Variants in DCAF6 observed in about 807,000 individuals in gnomAD.
DCAF6 encodes the protein DDB1- and CUL4-associated factor 6.
DCAF6 carries 54 observed loss-of-function variants against 125.1 expected under a neutral mutation model. The ratio of observed to expected loss-of-function variants is 0.43; its 90% CI spans 0.35 to 0.54. The LOEUF (loss-of-function observed/expected upper bound fraction) is 0.54. Ranked by LOEUF, DCAF6 falls within the 20% of genes least tolerant of loss-of-function variation. The pLI, the probability that DCAF6 is intolerant of heterozygous loss-of-function variation, is 0.01. For missense variants in DCAF6, 934 were observed against 1,161.7 expected, an observed-to-expected ratio of 0.80 and a Z score of 2.85; for synonymous variants, 371 against 390.4, an observed-to-expected ratio of 0.95 and a Z score of 0.58.
intron 16 of DCAF6, among the ~76,000 whole-genome samples, chr1:168,046,575 A>G (rs576020397): frequency 2.6e-5 from 4 of 152,158 alleles, no homozygotes; most frequent in African/African-American, 9.7e-5. Flanking sequence ...TTAATCAAAC[A>G]TCTTCTCTTT....
At position 168,015,977 on chromosome 1, in the gene DCAF6, C is replaced by A. The variant is rs1250669567; in HGVS notation, c.1549+26C>A. The A allele has an allele frequency of 6.3e-6, 9 of 1,424,780 alleles. No homozygotes were observed. The East Asian group carries it at 2.2e-4, about 35-fold the overall frequency. 88.3% of individuals were successfully genotyped at this position (1,424,780 alleles called of 1,614,324 possible). ...GTTATTAATGTCAAGTGTCCTTAAG[C>A]AGCTGATAGAATTGTTTTTTAATAC... On this transcript the variant is annotated intron_variant, in intron 11 of 21. Coordinates refer to ENST00000367840, the MANE Select transcript of DCAF6 (RefSeq NM_001198956.2).
chr1:168,030,861 A>G (rs1400007908), intron 12 of DCAF6, among the ~76,000 whole-genome samples: 1 of 152,226 alleles, frequency 6.6e-6, no homozygotes, highest in Admixed American at 6.5e-5. Context: ...TTAACAGGTG[A>G]CTTTTTCAGC....
At chr1:167,881,286 C>A in the DCAF6 span, among the ~76,000 whole-genome samples, 1 of 152,194 alleles carries the variant, frequency 6.6e-6, no homozygotes, top group African/African-American at 2.4e-5. Context: ...AAAAAATGAC[C>A]TCAGTCAGGT....
At chr1:168,021,404 A>G (rs1432835096) in intron 11 of DCAF6, among the ~76,000 whole-genome samples, 1 of 152,076 alleles carries the variant, frequency 6.6e-6, no homozygotes, top group Non-Finnish European at 1.5e-5. Context: ...GTTTTTTTAA[A>G]GAGTTTAATT....
intron 2 of DCAF6, among the ~76,000 whole-genome samples, chr1:167,961,598 A>T (rs576203774): frequency 1.3e-5 from 2 of 152,150 alleles, no homozygotes; most frequent in South Asian, 4.2e-4. Flanking sequence ...ATCTACAAAG[A>T]CCGTTTTATT....
the DCAF6 span, among the ~76,000 whole-genome samples, chr1:167,889,024 G>A: frequency 6.6e-6 from 1 of 152,108 alleles, no homozygotes; most frequent in African/African-American, 2.4e-5. Context: ...AAGATCATCT[G>A]AAAACAAGGA....
the DCAF6 span, among the ~76,000 whole-genome samples, chr1:167,910,601 G>T: frequency 0.016 from 2,495 of 152,222 alleles, 64 homozygotes; most frequent in African/African-American, 0.055. Context: ...TAAAGTTCAT[G>T]GGAAGTATGC....
At chr1:167,983,912 C>T (rs917446828) in intron 4 of DCAF6, among the ~76,000 whole-genome samples, 2 of 152,098 alleles carry the variant, frequency 1.3e-5, no homozygotes, top group East Asian at 3.8e-4. Flanking sequence ...AACTTAAGGA[C>T]AGATTAAATT....
the DCAF6 span, among the ~76,000 whole-genome samples, chr1:167,899,063 A>G: frequency 6.6e-6 from 1 of 152,168 alleles, no homozygotes; most frequent in Non-Finnish European, 1.5e-5. Context: ...GGTGTTGGGT[A>G]AAGAAAGTGA....
chr1:167,972,559 G>C lies in DCAF6; in HGVS notation c.253-2271G>C, dbSNP rs568369855. ...GAACTAGATTGGAAGTAGGAGATAG[G>C]AGGCCATTGAAATAATCCAGGTAAG... On this transcript the variant is annotated intron_variant, in intron 3 of 21. Coordinates refer to ENST00000367840, the MANE Select transcript of DCAF6 (RefSeq NM_001198956.2). Among the ~76,000 whole-genome samples, 3 of 152,300 alleles carry C rather than the reference G, an allele frequency of 2.0e-5. No homozygotes were observed. The East Asian group carries it at 5.8e-4, about 29-fold the overall frequency.
intron 1 of DCAF6, among the ~76,000 whole-genome samples, chr1:167,942,585 T>C (rs1005536603): frequency 6.6e-6 from 1 of 152,226 alleles, no homozygotes. Context: ...TTCATACTTT[T>C]TATGTCCTAT....
chr1:167,893,883 T>C, the DCAF6 span: 12 of 1,613,482 alleles, frequency 7.4e-6, no homozygotes, highest in East Asian at 2.5e-4. Flanking sequence ...TCACATACTT[T>C]TGTAGGGACA....
chr1:167,984,897 G>T (rs1679721355), intron 4 of DCAF6, among the ~76,000 whole-genome samples: 1 of 152,136 alleles, frequency 6.6e-6, no homozygotes, highest in East Asian at 1.9e-4. Flanking sequence ...GTTTACAAAA[G>T]AAAGAGGTTT....
intron 1 of DCAF6, among the ~76,000 whole-genome samples, chr1:167,950,745 A>T (rs1022390676): frequency 6.6e-6 from 1 of 152,172 alleles, no homozygotes; most frequent in African/African-American, 2.4e-5. Flanking sequence ...GCCTTCTTTC[A>T]TTACAGCTTC....
the DCAF6 span, among the ~76,000 whole-genome samples, chr1:167,888,599 G>A: frequency 6.6e-6 from 1 of 152,010 alleles, no homozygotes; most frequent in Non-Finnish European, 1.5e-5. Context: ...TTTTTGGGCC[G>A]GGCGCGGTGG....
At chr1:167,966,573 G>A (rs1290384640) in intron 2 of DCAF6, 56 bp from the exon 3 acceptor site, 2 of 1,112,978 alleles carry the variant, frequency 1.8e-6, no homozygotes, top group African/African-American at 1.6e-5. Flanking sequence ...AGTGAAAGAT[G>A]GCATATTTTC....
the DCAF6 span, among the ~76,000 whole-genome samples, chr1:167,913,404 AAG>A: frequency 2.2e-4 from 34 of 152,168 alleles, no homozygotes; most frequent in Non-Finnish European, 4.3e-4. Flanking sequence ...CACGAGTCCA[AAG>A]AGGGAGATAC....
the DCAF6 span, among the ~76,000 whole-genome samples, chr1:167,926,055 G>A: frequency 1.3e-5 from 2 of 152,172 alleles, no homozygotes; most frequent in South Asian, 2.1e-4. Context: ...TCAAACACTA[G>A]AAAGAAGATC....
chr1:167,904,924 C>T, the DCAF6 span: 1 of 1,609,640 alleles, frequency 6.2e-7, no homozygotes. Context: ...TGCAATCAAG[C>T]TCTGCATGTG....
Sources: allele counts gnomAD v4.1 joint callset (sites outside exome capture counted in the v4.1 genomes callset), GRCh38; gene constraint gnomAD v4.1.1; transcripts MANE v1.5; gene names NCBI Gene and HGNC (gene_info 2026-07-23, HGNC 2026-07-21).